FARSB: variants seen among roughly 807,000 people sequenced by gnomAD.
The protein encoded by FARSB is phenylalanine--tRNA ligase beta subunit.
In FARSB, 40 loss-of-function variants were observed where a neutral mutation model predicts 69.6. The ratio of observed to expected loss-of-function variants is 0.57; its 90% CI spans 0.45 to 0.75. The LOEUF (loss-of-function observed/expected upper bound fraction) is 0.75, where lower values mean the gene tolerates loss of function less well. FARSB is among the 30% of genes least tolerant of loss of function. The pLI is 0.00. For missense variants in FARSB, 632 were observed against 722.9 expected, an observed-to-expected ratio of 0.87 and a Z score of 1.44; for synonymous variants, 235 against 247.2, an observed-to-expected ratio of 0.95 and a Z score of 0.46.
At chr2:222,594,207 C>T (rs1690353450) in intron 16 of FARSB, among the ~76,000 whole-genome samples, 1 of 150,778 alleles carries the variant, frequency 6.6e-6, no homozygotes, top group African/African-American at 2.4e-5. Flanking sequence ...CATGCCACTA[C>T]ACTCTAGCCT....
chr2:222,618,516 T>C lies in FARSB; in HGVS notation c.1344+1129A>G, dbSNP rs145247928. On this transcript the variant is annotated intron_variant, in intron 14 of 16. Transcript: ENST00000281828. ...AGGTTAAAAAACATACAGACTTGCATATGCAAGAGAAACAGCACAAGAGCT... is the reference window on the plus strand; with the variant it reads ...AGGTTAAAAAACATACAGACTTGCACATGCAAGAGAAACAGCACAAGAGCT... 7.9e-3 allele frequency among the ~76,000 whole-genome samples: 1,208 copies of C among 152,308 alleles called. 15 individuals are homozygous for C. The highest frequency in any genetic ancestry group is 0.028 in the African/African-American group (1,162 of 41,558).
intron 3 of FARSB, among the ~76,000 whole-genome samples, chr2:222,641,716 G>A (rs894868170): frequency 9.2e-5 from 14 of 152,290 alleles, no homozygotes; most frequent in Admixed American, 3.3e-4. Context: ...TTTGGGAAAC[G>A]AACTCTCAGG....
At chr2:222,576,483 C>G (rs1423679415) in intron 16 of FARSB, among the ~76,000 whole-genome samples, 1 of 152,052 alleles carries the variant, frequency 6.6e-6, no homozygotes, top group Non-Finnish European at 1.5e-5. Flanking sequence ...ATACATAAGT[C>G]TCCAACTTCA....
intron 16 of FARSB, among the ~76,000 whole-genome samples, chr2:222,598,079 A>T (rs902617807): frequency 6.6e-6 from 1 of 152,104 alleles, no homozygotes; most frequent in African/African-American, 2.4e-5. Context: ...GTCTCCACCT[A>T]TTCTTCCAAA....
intron 16 of FARSB, among the ~76,000 whole-genome samples, chr2:222,576,975 G>A (rs952589885): frequency 3.3e-5 from 5 of 152,138 alleles, no homozygotes; most frequent in Admixed American, 6.5e-5. Flanking sequence ...GGCTGTTCTC[G>A]AAGTTTTAGA....
At chr2:222,648,503 CA>C (rs972142240) in intron 2 of FARSB, among the ~76,000 whole-genome samples, 1 of 152,184 alleles carries the variant, frequency 6.6e-6, no homozygotes, top group Non-Finnish European at 1.5e-5. Flanking sequence ...TCCATTTCCA[CA>C]GCATGAGCCT....
chr2:222,609,341 T>C (rs1196470808), intron 15 of FARSB, among the ~76,000 whole-genome samples: 1 of 152,212 alleles, frequency 6.6e-6, no homozygotes, highest in Non-Finnish European at 1.5e-5. Flanking sequence ...GTTTAGTTGT[T>C]CCTGACATTT....
chr2:222,607,603 G>A (rs1474338932), intron 15 of FARSB, among the ~76,000 whole-genome samples: 2 of 151,492 alleles, frequency 1.3e-5, no homozygotes, highest in East Asian at 1.9e-4. Flanking sequence ...ACAGAAAAGG[G>A]CCGGCAACTA....
intron 16 of FARSB, among the ~76,000 whole-genome samples, chr2:222,581,320 G>A (rs996623104): frequency 3.9e-5 from 6 of 152,142 alleles, no homozygotes; most frequent in Non-Finnish European, 5.9e-5. Flanking sequence ...GCAGAAAGGA[G>A]TCTCTCAAAA....
chr2:222,588,902 G>C (rs1690190892), intron 16 of FARSB, among the ~76,000 whole-genome samples: 1 of 152,114 alleles, frequency 6.6e-6, no homozygotes, highest in South Asian at 2.1e-4. Context: ...TCATGGATAG[G>C]AAGAATCAAT....
At chr2:222,638,578 A>G (rs576188615) in intron 5 of FARSB, among the ~76,000 whole-genome samples, 120 of 152,290 alleles carry the variant, frequency 7.9e-4, no homozygotes, top group African/African-American at 2.7e-3. Flanking sequence ...AATAAATGCT[A>G]TTTGGAATCT....
intron 5 of FARSB, among the ~76,000 whole-genome samples, chr2:222,635,529 T>C (rs1309164556): frequency 2.0e-5 from 3 of 152,206 alleles, no homozygotes; most frequent in Non-Finnish European, 4.4e-5. Flanking sequence ...AGAACTATCA[T>C]AGGATAAAAT....
At chr2:222,645,410 T>C (rs1461721060) in intron 2 of FARSB, among the ~76,000 whole-genome samples, 1 of 152,148 alleles carries the variant, frequency 6.6e-6, no homozygotes, top group African/African-American at 2.4e-5. Context: ...AGTATACAAA[T>C]AGATTAGTAC....
At chr2:222,629,284 T>C (rs1291386126) in intron 9 of FARSB, among the ~76,000 whole-genome samples, 1 of 152,236 alleles carries the variant, frequency 6.6e-6, no homozygotes, top group Non-Finnish European at 1.5e-5. Flanking sequence ...ATTTCAATCA[T>C]GCTTTCTACA....
chr2:222,598,949 A>G (rs910446815), intron 16 of FARSB, among the ~76,000 whole-genome samples: 2 of 152,078 alleles, frequency 1.3e-5, no homozygotes, highest in Non-Finnish European at 2.9e-5. Flanking sequence ...TTTAAAAAAA[A>G]AAAAAGAACC....
At chr2:222,653,794 C>T (rs1692100999) in intron 1 of FARSB, among the ~76,000 whole-genome samples, 1 of 152,088 alleles carries the variant, frequency 6.6e-6, no homozygotes, top group South Asian at 2.1e-4. Context: ...CCACACCCAG[C>T]TACTTTTTGT....
intron 16 of FARSB, among the ~76,000 whole-genome samples, chr2:222,588,122 G>T (rs1690168473): frequency 6.6e-6 from 1 of 152,110 alleles, no homozygotes; most frequent in South Asian, 2.1e-4. Context: ...TAAAATACTG[G>T]CAAAACGAAT....
chr2:222,641,067 C>T, intron 3 of FARSB, 136 bp from the exon 4 acceptor site: 1 of 388,168 alleles, frequency 2.6e-6, no homozygotes, highest in Non-Finnish European at 4.7e-6. Flanking sequence ...CAAATTTTGG[C>T]TGAACACTAA....
chr2:222,607,492 GA>G (rs1293886483), intron 15 of FARSB, among the ~76,000 whole-genome samples: 4 of 152,026 alleles, frequency 2.6e-5, no homozygotes, highest in Non-Finnish European at 5.9e-5. Flanking sequence ...ACAAGGTGCA[GA>G]ACAAGACAGG....
Sources: allele counts gnomAD v4.1 joint callset (sites outside exome capture counted in the v4.1 genomes callset), GRCh38; gene constraint gnomAD v4.1.1; transcripts MANE v1.5; gene names NCBI Gene and HGNC (gene_info 2026-07-23, HGNC 2026-07-21).